The following SERPINB10 variants were observed in gnomAD, a reference collection of about 807,000 sequenced individuals.
SERPINB10 encodes the protein serpin B10.
A neutral mutation model predicts 39.1 loss-of-function variants in SERPINB10; 35 were observed. The ratio of observed to expected loss-of-function variants is 0.90; its 90% confidence interval spans 0.68 to 1.19. The LOEUF (loss-of-function observed/expected upper bound fraction) is 1.19, where lower values mean the gene tolerates loss of function less well. Among genes scored for constraint, SERPINB10 ranks in the 50% most tolerant of loss-of-function variants. The pLI is 0.00. For synonymous variants in SERPINB10, 190 were observed against 158.1 expected, an observed-to-expected ratio of 1.20 and a Z score of -1.52; for missense variants, 546 against 460.5, an observed-to-expected ratio of 1.19 and a Z score of -1.70.
chr18:63,908,031 A>G lies in SERPINB10; in HGVS notation c.-19A>G. On this transcript the variant is annotated 5_prime_UTR_variant, in exon 1 of 8. Transcript: ENST00000238508. ...AAATTGCCAATTCTGCTCCAGTGGG[A>G]GAAAACAAGGTATTGTAAATATTTC... is the stretch of plus-strand genomic sequence containing the variant. The G allele has an allele frequency of 2.9e-6, 1 of 342,990 alleles. No homozygotes were observed. The allele number at this position is 342,990 out of a possible 1,614,324, so 21.2% of individuals were successfully genotyped here.
intron 1 of SERPINB10, among the ~76,000 whole-genome samples, chr18:63,915,280 A>C (rs1320077520): frequency 6.6e-6 from 1 of 152,104 alleles, no homozygotes; most frequent in Non-Finnish European, 1.5e-5. Context: ...TTATTCTCTA[A>C]TGCACATTAG....
intron 4 of SERPINB10, among the ~76,000 whole-genome samples, chr18:63,918,630 G>A (rs928081785): frequency 6.6e-6 from 1 of 151,966 alleles, no homozygotes; most frequent in South Asian, 2.1e-4. Flanking sequence ...TGTCCAGTGG[G>A]CAAAGAGCAA....
At chr18:63,915,291 C>A (rs1349920097) in intron 1 of SERPINB10, among the ~76,000 whole-genome samples, 1 of 152,038 alleles carries the variant, frequency 6.6e-6, no homozygotes, top group Non-Finnish European at 1.5e-5. Context: ...TGCACATTAG[C>A]ACTAAAATTT....
intron 6 of SERPINB10, 89 bp downstream of exon 6, chr18:63,930,276 G>T: frequency 7.1e-7 from 1 of 1,416,480 alleles, no homozygotes; most frequent in Non-Finnish European, 9.7e-7. Context: ...TAGATTGTAT[G>T]TTCTAGTGAA....
At chr18:63,930,217 T>A (rs755849221) in intron 6 of SERPINB10, 30 bp downstream of exon 6, 1 of 1,606,992 alleles carries the variant, frequency 6.2e-7, no homozygotes, top group East Asian at 2.2e-5. Flanking sequence ...CAGTTTGGAT[T>A]TTCACATGGC....
chr18:63,931,441 G>A (rs924381076), intron 6 of SERPINB10, among the ~76,000 whole-genome samples: 1 of 152,200 alleles, frequency 6.6e-6, no homozygotes, highest in African/African-American at 2.4e-5. Flanking sequence ...AGTACTCGCA[G>A]TAAACAGCCC....
At chr18:63,910,470 C>T (rs749658367) in intron 1 of SERPINB10, among the ~76,000 whole-genome samples, 1 of 151,890 alleles carries the variant, frequency 6.6e-6, no homozygotes, top group Non-Finnish European at 1.5e-5. Context: ...CCTCCCCATT[C>T]TAGTAGTCCC....
intron 5 of SERPINB10, among the ~76,000 whole-genome samples, chr18:63,929,018 G>A (rs1395043150): frequency 1.3e-5 from 2 of 152,168 alleles, no homozygotes; most frequent in African/African-American, 4.8e-5. Flanking sequence ...CTGCTTTTGT[G>A]ACAATACTTG....
intron 6 of SERPINB10, among the ~76,000 whole-genome samples, chr18:63,932,447 C>T (rs961126111): frequency 5.9e-5 from 9 of 151,988 alleles, no homozygotes; most frequent in East Asian, 1.9e-4. Flanking sequence ...TTCTAGTAGC[C>T]GTGTGTAATT....
In SERPINB10 at chr18:63,935,071, T is replaced by C. The variant is rs774757542; in HGVS notation, c.1023T>C (p.Phe341=). ...TGTCCAATGTTTTCCATAAGGCTTT[T>C]GTGGAAATAAATGAACAAGGTACTG... is the stretch of plus-strand genomic sequence containing the variant. ...LFLSNVFHKA[F]VEINEQGTEA... is the part of the protein sequence containing the mutation. Residue 341 remains phenylalanine (F), a synonymous_variant, in exon 8 of 8, where the codon TTT becomes TTC. Transcript: ENST00000238508. The C allele has an allele frequency of 8.1e-6, 13 of 1,614,198 alleles. No individual in the cohort carries two copies. The highest frequency in any genetic ancestry group is 1.1e-5 in the Non-Finnish European group (13 of 1,180,026).
chr18:63,909,374 C>A (rs8093048), intron 1 of SERPINB10, among the ~76,000 whole-genome samples: 1 of 151,784 alleles, frequency 6.6e-6, no homozygotes, highest in Non-Finnish European at 1.5e-5. Flanking sequence ...AATTCTACAC[C>A]CTTCAGAAAG....
chr18:63,929,403 G>T (rs2050203452), intron 5 of SERPINB10, among the ~76,000 whole-genome samples: 1 of 151,942 alleles, frequency 6.6e-6, no homozygotes. Context: ...CTGTTATTGA[G>T]CAATTTTACA....
At position 63,918,003 on chromosome 18, in the gene SERPINB10, T is replaced by C; in HGVS notation, c.273T>C (p.Asp91=). The C allele has an allele frequency of 6.2e-7, 1 of 1,612,188 alleles. No individual in the cohort carries two copies. Among genetic ancestry groups the C allele is most frequent in the Non-Finnish European group, 8.5e-7 (1 of 1,178,818 alleles). The change falls in exon 4 of 8, where the codon GAT becomes GAC. Residue 91 remains aspartate, a synonymous_variant. Transcript: ENST00000238508. ...GCAACTCGGAAGAAATACACTCTGA[T>C]TTCCAAACACTTATCTCAGAAATCC... is the stretch of plus-strand genomic sequence containing the variant. ...NLSNSEEIHS[D]FQTLISEILK...
chr18:63,911,478 C>A (rs573987553), intron 1 of SERPINB10, among the ~76,000 whole-genome samples: 7 of 151,802 alleles, frequency 4.6e-5, no homozygotes, highest in African/African-American at 1.4e-4. Flanking sequence ...GTAGGGTCTA[C>A]TTTCATTTTT....
chr18:63,921,160 A>G (rs1390591103), intron 5 of SERPINB10, among the ~76,000 whole-genome samples: 1 of 152,014 alleles, frequency 6.6e-6, no homozygotes, highest in Non-Finnish European at 1.5e-5. Context: ...TTAATTAATC[A>G]TTCATGACTT....
chr18:63,911,063 C>T (rs1488783730), intron 1 of SERPINB10, among the ~76,000 whole-genome samples: 1 of 151,896 alleles, frequency 6.6e-6, no homozygotes, highest in Non-Finnish European at 1.5e-5. Context: ...AGCATTTTTT[C>T]ATGTTTGTTG....
At chr18:63,914,879 C>G (rs2050089935) in intron 1 of SERPINB10, among the ~76,000 whole-genome samples, 1 of 152,010 alleles carries the variant, frequency 6.6e-6, no homozygotes, top group Non-Finnish European at 1.5e-5. Context: ...ACTGAGTACT[C>G]TTGTTCCAGA....
chr18:63,919,819 G>T lies in SERPINB10; in HGVS notation c.404G>T (p.Gly135Val). 1 of 1,606,884 alleles carries T rather than the reference G, an allele frequency of 6.2e-7. No homozygotes were observed. The highest frequency in any genetic ancestry group is 8.5e-7 in the Non-Finnish European group (1 of 1,176,628). Residue 135 changes from glycine to valine, a missense_variant, in exon 5 of 8, where the codon GGT (glycine) becomes GTT (valine). By Grantham distance (109) the Gly-to-Val change is moderately radical. Coordinates refer to ENST00000238508, the MANE Select transcript of SERPINB10 (RefSeq NM_005024.3). ...TTAGAAGACATGAAAACATATTTTG[G>T]TGCAGAACCTCAGCCTGTTAACTTT... ...KYLEDMKTYFGAEPQPVNFVE... is the reference protein window; with the variant it reads ...KYLEDMKTYFVAEPQPVNFVE...
intron 5 of SERPINB10, among the ~76,000 whole-genome samples, chr18:63,923,095 C>T (rs756095396): frequency 1.3e-5 from 2 of 151,818 alleles, no homozygotes; most frequent in Non-Finnish European, 2.9e-5. Context: ...ATGAGAGGCA[C>T]CAAAAAATAA....
Sources: gnomAD v4.1 joint callset for allele counts (sites outside exome capture counted in the v4.1 genomes callset) on GRCh38, gnomAD v4.1.1 for gene constraint, MANE v1.5 for transcripts, NCBI Gene and HGNC (gene_info 2026-07-23, HGNC 2026-07-21) for gene names.